The following LRP1B variants were observed in gnomAD, a reference collection of about 807,000 sequenced individuals.
LRP1B encodes the protein low-density lipoprotein receptor-related protein 1B.
LRP1B carries 217 observed loss-of-function variants against 556.6 expected under a neutral mutation model. That is an observed-to-expected ratio of 0.39 (90% CI 0.35 to 0.44). The LOEUF (loss-of-function observed/expected upper bound fraction) is 0.44. Among genes scored for constraint, LRP1B ranks in the 20% least tolerant of loss-of-function variants. The pLI is 1.00. For missense variants in LRP1B, 5,053 were observed against 5,620.8 expected (o/e 0.90, Z 3.23); for synonymous variants, 2,047 against 1,865.8 (o/e 1.10, Z -2.50).
intron 3 of LRP1B, among the ~76,000 whole-genome samples, chr2:141,451,100 T>C (rs1191771100): frequency 6.6e-6 from 1 of 152,154 alleles, no homozygotes; most frequent in Non-Finnish European, 1.5e-5. Flanking sequence ...AGTAATGTGA[T>C]ACTGGGACGA....
chr2:141,468,552 G>C (rs1682331501), intron 3 of LRP1B, among the ~76,000 whole-genome samples: 3 of 151,752 alleles, frequency 2.0e-5, no homozygotes, highest in Admixed American at 2.0e-4. Context: ...TAAATATTTG[G>C]GGATCATTTT....
At chr2:140,454,645 T>G (rs1297164480) in intron 62 of LRP1B, among the ~76,000 whole-genome samples, 1 of 152,220 alleles carries the variant, frequency 6.6e-6, no homozygotes, top group Admixed American at 6.5e-5. Context: ...GTTGTCATCA[T>G]GGAAACCAAA....
At chr2:140,608,990 G>T (rs898101480) in intron 41 of LRP1B, among the ~76,000 whole-genome samples, 1 of 152,074 alleles carries the variant, frequency 6.6e-6, no homozygotes, top group Non-Finnish European at 1.5e-5. Flanking sequence ...CACTACTACT[G>T]GAAGGAAAGT....
chr2:140,376,338 A>G (rs1683227945), intron 68 of LRP1B, among the ~76,000 whole-genome samples: 1 of 152,198 alleles, frequency 6.6e-6, no homozygotes, highest in Non-Finnish European at 1.5e-5. Flanking sequence ...ATATGATTCA[A>G]GATAAATATA....
At chr2:140,298,685 CTTTA>C (rs949205779) in intron 83 of LRP1B, among the ~76,000 whole-genome samples, 5 of 152,006 alleles carry the variant, frequency 3.3e-5, no homozygotes, top group African/African-American at 1.2e-4. Flanking sequence ...GACTATTTTT[CTTTA>C]TTTACTCTGT....
rs185092868 is a variant in LRP1B, at chr2:141,674,502, A to C, written c.205+135777T>G. Among the ~76,000 whole-genome samples, 760 of 152,226 alleles carry C rather than the reference A, an allele frequency of 5.0e-3. 8 individuals carry two copies. Among genetic ancestry groups the C allele is most frequent in the African/African-American group, 0.017 (723 of 41,582 alleles). ...TACTATAAGTTATTAGAATATAATA[A>C]ACATTCTCATAAAGCTATTCCTTCA... On this transcript the variant is annotated intron_variant, in intron 2 of 90. Coordinates refer to ENST00000389484, the MANE Select transcript of LRP1B (RefSeq NM_018557.3).
intron 7 of LRP1B, among the ~76,000 whole-genome samples, chr2:141,112,878 C>T (rs1368569721): frequency 6.6e-6 from 1 of 152,038 alleles, no homozygotes; most frequent in Non-Finnish European, 1.5e-5. Context: ...TTTTTTTAAA[C>T]CTATCAGATT....
At chr2:141,462,606 C>A (rs943533180) in intron 3 of LRP1B, among the ~76,000 whole-genome samples, 2 of 152,062 alleles carry the variant, frequency 1.3e-5, no homozygotes, top group East Asian at 1.9e-4. Flanking sequence ...CACATGTATA[C>A]CTATGTAATA....
At chr2:140,331,184 A>G (rs1680792721) in intron 79 of LRP1B, among the ~76,000 whole-genome samples, 1 of 152,130 alleles carries the variant, frequency 6.6e-6, no homozygotes, top group African/African-American at 2.4e-5. Context: ...ATGCCCACCA[A>G]TGATAGACTG....
At chr2:141,576,393 G>A (rs999201306) in intron 2 of LRP1B, among the ~76,000 whole-genome samples, 6 of 152,226 alleles carry the variant, frequency 3.9e-5, no homozygotes, top group African/African-American at 1.4e-4. Context: ...AGTGGGTGTT[G>A]AACATTGAGA....
At position 140,335,725 on chromosome 2, in the gene LRP1B, G is replaced by T. The variant is rs1426672716; in HGVS notation, c.12006C>A (p.Thr4002=). ...HWFSYYTTHW[T]SLRYSINVGQ... is the part of the protein sequence containing the mutation. ...CTACGTTGATAGAGTACCTCAGACT[G>T]GTCCAGTGAGTAGTGTAGTAACTGA... Residue 4002 remains threonine, a synonymous_variant, in exon 78 of 91, where the codon ACC becomes ACA. Transcript: ENST00000389484. 6.2e-7 allele frequency: 1 copy of T among 1,611,940 alleles called. No homozygotes were observed. The highest frequency in any genetic ancestry group is 1.7e-5 in the Admixed American group (1 of 59,876).
At chr2:142,041,053 G>A (rs1574623921) in intron 1 of LRP1B, among the ~76,000 whole-genome samples, 1 of 151,368 alleles carries the variant, frequency 6.6e-6, no homozygotes, top group East Asian at 1.9e-4. Flanking sequence ...CACTTCTACT[G>A]AGGTATTTCC....
intron 84 of LRP1B, among the ~76,000 whole-genome samples, chr2:140,281,279 T>C (rs1435293453): frequency 6.6e-6 from 1 of 151,966 alleles, no homozygotes; most frequent in African/African-American, 2.4e-5. Context: ...ATACAATCTA[T>C]AACTGCATTT....
intron 41 of LRP1B, among the ~76,000 whole-genome samples, chr2:140,635,582 A>G (rs1295674252): frequency 6.6e-6 from 1 of 152,062 alleles, no homozygotes; most frequent in East Asian, 1.9e-4. Context: ...TTGTAAAGAC[A>G]GTCTCAGAAG....
At chr2:141,936,164 T>C (rs1010263736) in intron 1 of LRP1B, among the ~76,000 whole-genome samples, 2 of 152,162 alleles carry the variant, frequency 1.3e-5, no homozygotes, top group South Asian at 2.1e-4. Context: ...AGACACAAGA[T>C]ATGTTTTTTC....
chr2:142,112,327 T>C (rs1229375758), intron 1 of LRP1B, among the ~76,000 whole-genome samples: 1 of 151,844 alleles, frequency 6.6e-6, no homozygotes, highest in Non-Finnish European at 1.5e-5. Context: ...CAAACTCATG[T>C]AAAAAATAGG....
At chr2:142,016,895 TAC>T (rs534779678) in intron 1 of LRP1B, among the ~76,000 whole-genome samples, 45 of 149,092 alleles carry the variant, frequency 3.0e-4, no homozygotes, top group East Asian at 3.9e-4. Flanking sequence ...TATATGTATA[TAC>T]ACACACATAT....
At chr2:140,561,525 G>A (rs1680929776) in intron 43 of LRP1B, among the ~76,000 whole-genome samples, 1 of 152,016 alleles carries the variant, frequency 6.6e-6, no homozygotes, top group South Asian at 2.1e-4. Flanking sequence ...CTTTTCTCTT[G>A]TTAGCCTATC....
At chr2:140,404,250 C>T (rs1205515035) in intron 66 of LRP1B, among the ~76,000 whole-genome samples, 1 of 146,390 alleles carries the variant, frequency 6.8e-6, no homozygotes, top group East Asian at 2.0e-4. Flanking sequence ...TCTCGGCTCG[C>T]TGCAATCTTT....
Sources: allele counts gnomAD v4.1 joint callset (sites outside exome capture counted in the v4.1 genomes callset), GRCh38; gene constraint gnomAD v4.1.1; transcripts MANE v1.5; gene names NCBI Gene and HGNC (gene_info 2026-07-23, HGNC 2026-07-21).